PLA2G4A: variants seen among roughly 807,000 people sequenced by gnomAD.
The protein encoded by PLA2G4A is cytosolic phospholipase A2.
Under a neutral mutation model 81.9 loss-of-function variants are expected in PLA2G4A, and 40 were observed. The ratio of observed to expected loss-of-function variants is 0.49; its 90% CI spans 0.38 to 0.64. The LOEUF is 0.64. Among genes scored for constraint, PLA2G4A ranks in the 30% least tolerant of loss-of-function variants. PLA2G4A has a pLI of 0.00. For synonymous variants in PLA2G4A, 302 were observed against 296.9 expected (o/e 1.02, Z -0.18); for missense variants, 715 against 905.1 (o/e 0.79, Z 2.69).
chr1:186,832,712 T>TA (rs1416628924), intron 1 of PLA2G4A, among the ~76,000 whole-genome samples: 1 of 152,176 alleles, frequency 6.6e-6, no homozygotes. Context: ...CAATGTGATT[T>TA]AAAAAATTTT....
At chr1:186,849,313 C>T (rs1434768905) in intron 1 of PLA2G4A, among the ~76,000 whole-genome samples, 1 of 151,944 alleles carries the variant, frequency 6.6e-6, no homozygotes, top group Non-Finnish European at 1.5e-5. Flanking sequence ...TTTGTTCTCC[C>T]AGGAAAGACA....
rs1287742794 is a variant in PLA2G4A, at chr1:186,887,010, AG to A, written c.116-5999del. 2.0e-5 allele frequency among the ~76,000 whole-genome samples: 3 copies of A among 152,252 alleles called. No homozygotes were observed. The East Asian group carries it at 5.8e-4, about 29-fold the overall frequency. On this transcript the variant is annotated intron_variant, in intron 3 of 17. Transcript: ENST00000367466. The stretch of plus-strand genomic sequence containing the variant: ...GGCCCATGCTGGAGAATATGATTGA[AG>A]GTGCTAAGGTTCTGCATTTTTAACG...
Position 186,988,852 on chromosome 1 carries a change from C to A in PLA2G4A, c.*344C>A. On this transcript the variant is annotated 3_prime_UTR_variant, in exon 18 of 18. Transcript: ENST00000367466. ...TTTAAAATATTTAACAGTTCAATCT[C>A]AATAAGACCTCGCATTATGTATGAA... 4.7e-6 allele frequency: 1 copy of A among 213,022 alleles called. No individual in the cohort carries two copies. The highest frequency in any genetic ancestry group is 9.6e-6 in the Non-Finnish European group (1 of 103,890). 13.2% of individuals were successfully genotyped at this position (213,022 alleles called of 1,614,324 possible). A position where few individuals can be genotyped will look rare whatever the true frequency, so the allele number is the denominator to read the frequency against.
chr1:186,915,829 CTAAG>C (rs1655116635), intron 7 of PLA2G4A, among the ~76,000 whole-genome samples: 1 of 152,098 alleles, frequency 6.6e-6, no homozygotes, highest in Non-Finnish European at 1.5e-5. Context: ...TCCCAGACAA[CTAAG>C]TCATCCTACG....
At chr1:186,852,175 A>C (rs72707546) in intron 1 of PLA2G4A, among the ~76,000 whole-genome samples, 173 of 152,088 alleles carry the variant, frequency 1.1e-3, no homozygotes, top group Non-Finnish European at 2.0e-3. Flanking sequence ...ACACACAAAA[A>C]ACCTGCCTTC....
chr1:186,947,194 T>C (rs1656376214), intron 12 of PLA2G4A, among the ~76,000 whole-genome samples: 1 of 152,146 alleles, frequency 6.6e-6, no homozygotes, highest in African/African-American at 2.4e-5. Flanking sequence ...AGAGTAATTT[T>C]TAATAGAACA....
chr1:186,877,608 C>T (rs1371515830), intron 3 of PLA2G4A, among the ~76,000 whole-genome samples: 1 of 149,518 alleles, frequency 6.7e-6, no homozygotes, highest in Non-Finnish European at 1.5e-5. Context: ...TATTTCACTC[C>T]CTGTGCTCCC....
chr1:186,988,700 A>C lies in PLA2G4A; in HGVS notation c.*192A>C. 2.0e-6 allele frequency: 1 copy of C among 503,522 alleles called. No individual in the cohort carries two copies. Among genetic ancestry groups the C allele is most frequent in the Admixed American group, 2.7e-5 (1 of 36,910 alleles). The allele number at this position is 503,522 out of a possible 1,614,324, so 31.2% of individuals were successfully genotyped here. A position where few individuals can be genotyped will look rare whatever the true frequency, so the allele number is the denominator to read the frequency against. ...GGTTGACAAATGATGTTGATTATGT[A>C]AGGATATACTTAGCTACATTTTCAG... On this transcript the variant is annotated 3_prime_UTR_variant, in exon 18 of 18. Coordinates refer to ENST00000367466, the MANE Select transcript of PLA2G4A (RefSeq NM_024420.3).
chr1:186,973,001 T>C (rs1449881482), intron 15 of PLA2G4A, among the ~76,000 whole-genome samples: 1 of 152,200 alleles, frequency 6.6e-6, no homozygotes, highest in Non-Finnish European at 1.5e-5. Flanking sequence ...GCCAAATCAG[T>C]CCAAGCATTA....
chr1:186,930,266 C>T (rs1352071004), intron 7 of PLA2G4A, among the ~76,000 whole-genome samples: 3 of 152,186 alleles, frequency 2.0e-5, no homozygotes, highest in Non-Finnish European at 4.4e-5. Flanking sequence ...TTTCCTTCCC[C>T]TGATGACAAC....
chr1:186,916,296 G>C (rs866355113), intron 7 of PLA2G4A, among the ~76,000 whole-genome samples: 1 of 152,108 alleles, frequency 6.6e-6, no homozygotes, highest in South Asian at 2.1e-4. Flanking sequence ...GCTCTAAGGG[G>C]TTACATTGTC....
intron 7 of PLA2G4A, among the ~76,000 whole-genome samples, chr1:186,932,195 G>A (rs1235614084): frequency 1.3e-5 from 2 of 151,566 alleles, no homozygotes. Context: ...GAGTATTATT[G>A]TTATTATTAA....
At chr1:186,976,690 T>C (rs565901926) in intron 15 of PLA2G4A, among the ~76,000 whole-genome samples, 1 of 152,186 alleles carries the variant, frequency 6.6e-6, no homozygotes, top group Admixed American at 6.5e-5. Flanking sequence ...TCCCTGAAGA[T>C]GCACATAATG....
chr1:186,871,484 A>G lies in PLA2G4A; in HGVS notation c.115+968A>G, dbSNP rs373457232. Among the ~76,000 whole-genome samples the G allele has an allele frequency of 3.1e-3, 471 of 152,250 alleles. 3 individuals are homozygous for G. Among genetic ancestry groups the G allele is most frequent in the African/African-American group, 0.011 (460 of 41,568 alleles). ...CAGAGATTGCAATGTATCGTCCAGGAAACAGGTAGGGTTCCCAGCCCAAAT... is the reference window on the plus strand; with the variant it reads ...CAGAGATTGCAATGTATCGTCCAGGGAACAGGTAGGGTTCCCAGCCCAAAT... On this transcript the variant is annotated intron_variant, in intron 3 of 17. Transcript: ENST00000367466.
At chr1:186,864,812 G>T (rs1179799877) in intron 2 of PLA2G4A, among the ~76,000 whole-genome samples, 1 of 151,274 alleles carries the variant, frequency 6.6e-6, no homozygotes, top group East Asian at 1.9e-4. Context: ...ACAACTATAG[G>T]CCAGGTGTGG....
chr1:186,925,003 G>A (rs771665410), intron 7 of PLA2G4A, among the ~76,000 whole-genome samples: 1 of 151,938 alleles, frequency 6.6e-6, no homozygotes, highest in Admixed American at 6.5e-5. Flanking sequence ...AGCCAAGATG[G>A]TGCCACTGCA....
At chr1:186,972,024 G>A (rs887720543) in intron 15 of PLA2G4A, among the ~76,000 whole-genome samples, 19 of 152,084 alleles carry the variant, frequency 1.2e-4, no homozygotes, top group East Asian at 3.9e-4. Flanking sequence ...CTAGCACTTC[G>A]TGTAGTTAAA....
chr1:186,967,519 T>G (rs147261124), intron 15 of PLA2G4A, among the ~76,000 whole-genome samples: 1 of 150,222 alleles, frequency 6.7e-6, no homozygotes, highest in Non-Finnish European at 1.5e-5. Context: ...CAGTTCCTGA[T>G]CTCCCATAAC....
intron 6 of PLA2G4A, among the ~76,000 whole-genome samples, chr1:186,910,594 C>T (rs555127676): frequency 1.3e-5 from 2 of 152,130 alleles, no homozygotes; most frequent in South Asian, 2.1e-4. Flanking sequence ...ATGATTCATA[C>T]GTAATACCTA....
Sources: allele counts gnomAD v4.1 joint callset (sites outside exome capture counted in the v4.1 genomes callset), GRCh38; gene constraint gnomAD v4.1.1; transcripts MANE v1.5; gene names NCBI Gene and HGNC (gene_info 2026-07-23, HGNC 2026-07-21).